The following ABCC12 variants were observed in gnomAD, a reference collection of about 807,000 sequenced individuals.
ABCC12 encodes ATP-binding cassette sub-family C member 12.
In ABCC12, 142 loss-of-function variants were observed where a neutral mutation model predicts 151.1. That is an observed-to-expected ratio of 0.94 (90% confidence interval 0.82 to 1.08). The LOEUF is 1.08. Ranked by LOEUF, ABCC12 falls within the 50% of genes least tolerant of loss-of-function variation. ABCC12 has a pLI of 0.00. For synonymous variants in ABCC12, 645 were observed against 646.4 expected (o/e 1.00, Z 0.03); for missense variants, 1,638 against 1,691.1 (o/e 0.97, Z 0.55).
At chr16:48,088,881 A>C in intron 25 of ABCC12, 147 bp from the exon 26 acceptor site, 3 of 685,162 alleles carry the variant, frequency 4.4e-6, no homozygotes, top group Non-Finnish European at 4.6e-6. Flanking sequence ...CTAGAAACTC[A>C]CATTCCAGTG....
At position 48,121,850 on chromosome 16, in the gene ABCC12, C is replaced by G. The variant is rs200744085; in HGVS notation, c.1588-10G>C. 2.5e-6 allele frequency: 4 copies of G among 1,614,066 alleles called. No individual in the cohort carries two copies. In the East Asian group the frequency reaches 8.9e-5, roughly 36 times the overall value. On this transcript the variant is annotated splice_polypyrimidine_tract_variant and intron_variant, in intron 12 of 30. Transcript: ENST00000311303. ...CTTTCTGCAGCTGCATCTGGAACAA[C>G]AAGACGGGAGAAGCTTCAGGAGCCA... is the stretch of plus-strand genomic sequence containing the variant.
At chr16:48,140,395 T>C (rs1256965905) in intron 6 of ABCC12, among the ~76,000 whole-genome samples, 2 of 152,148 alleles carry the variant, frequency 1.3e-5, no homozygotes, top group Non-Finnish European at 2.9e-5. Flanking sequence ...TCAGTACTCC[T>C]CCACAGTCCC....
chr16:48,140,544 A>G, intron 6 of ABCC12, 143 bp downstream of exon 6: 2 of 786,468 alleles, frequency 2.5e-6, no homozygotes, highest in East Asian at 2.5e-5. Context: ...CCACCACCTC[A>G]CTTAGCCAGG....
chr16:48,119,608 C>T (rs1047028829), intron 13 of ABCC12, among the ~76,000 whole-genome samples: 1 of 152,190 alleles, frequency 6.6e-6, no homozygotes, highest in Non-Finnish European at 1.5e-5. Context: ...ACGGCATGGC[C>T]GGGGAAGAGG....
intron 24 of ABCC12, among the ~76,000 whole-genome samples, chr16:48,096,433 T>C (rs1963096532): frequency 6.6e-6 from 1 of 152,194 alleles, no homozygotes; most frequent in Admixed American, 6.5e-5. Flanking sequence ...ACAGTAAAGC[T>C]CCAGGCTTCT....
chr16:48,107,938 G>T (rs957028816), intron 19 of ABCC12, among the ~76,000 whole-genome samples: 2 of 151,986 alleles, frequency 1.3e-5, no homozygotes, highest in Non-Finnish European at 2.9e-5. Context: ...GGAGGCAGAG[G>T]TTGGAGGTTG....
At chr16:48,126,343 G>A (rs974988779) in intron 11 of ABCC12, among the ~76,000 whole-genome samples, 1 of 152,124 alleles carries the variant, frequency 6.6e-6, no homozygotes, top group South Asian at 2.1e-4. Context: ...ATCCTCTGAT[G>A]ATTCTCCCAA....
At position 48,083,886 on chromosome 16, in the gene ABCC12, G is replaced by A. The variant is rs753807498; in HGVS notation, c.3993+23C>T. ...AAACCACTGGACTTTCTGGGGAGGT[G>A]AAGCCAAAAGAGCTTCCTATACCTT... On this transcript the variant is annotated intron_variant, in intron 30 of 30. Transcript: ENST00000311303. 4 of 1,612,484 alleles carry A rather than the reference G, an allele frequency of 2.5e-6. No homozygotes were observed. The South Asian group carries it at 4.4e-5, about 18-fold the overall frequency.
Position 48,140,919 on chromosome 16 carries a change from G to GT in ABCC12, c.424dup (p.Thr142AsnfsTer12), listed in dbSNP as rs774519501. On this transcript the variant is annotated frameshift_variant and splice_region_variant, in exon 6 of 31. Transcript: ENST00000311303. LOFTEE classifies it high-confidence loss of function. Reference sequence around the variant, plus strand: ...CTGGAGGATTTGGTGAATGAGAACTGTCTGTAAAACAGCATGGTGGGGAGA... The same window carrying GT: ...CTGGAGGATTTGGTGAATGAGAACTGTTCTGTAAAACAGCATGGTGGGGAGA... 2.5e-6 allele frequency: 4 copies of GT among 1,613,366 alleles called. No individual in the cohort carries two copies. The Admixed American group carries it at 6.7e-5, about 27-fold the overall frequency.
chr16:48,139,494 G>T lies in ABCC12; in HGVS notation c.658-158C>A, dbSNP rs779438961. 1.3e-4 allele frequency among the ~76,000 whole-genome samples: 20 copies of T among 152,174 alleles called. 1 individual carries two copies. The highest frequency in any genetic ancestry group is 1.2e-4 in the Non-Finnish European group (8 of 68,032). On this transcript the variant is annotated intron_variant, in intron 6 of 30. Transcript: ENST00000311303. ...CGGGGACCAATATGATGAGTTTTAT[G>T]GGTTCTGGTACGACTTTGGAGAGGC...
At position 48,147,902 on chromosome 16, in the gene ABCC12, G is replaced by A. The variant is rs1002824340; in HGVS notation, c.-50-1428C>T. On this transcript the variant is annotated intron_variant, in intron 2 of 30. Transcript: ENST00000311303. ...CCCACATGTTTTAGAGCTAGTAGTT[G>A]ATGAAAAGCTCTTTAATCATTGTTA... 3.3e-5 allele frequency among the ~76,000 whole-genome samples: 5 copies of A among 152,224 alleles called. No homozygotes were observed. The South Asian group carries it at 1.0e-3, about 31-fold the overall frequency.
At chr16:48,151,392 A>G (rs762641628) in intron 2 of ABCC12, among the ~76,000 whole-genome samples, 3 of 152,190 alleles carry the variant, frequency 2.0e-5, no homozygotes, top group Non-Finnish European at 2.9e-5. Flanking sequence ...GCCAAGGGGC[A>G]CCTAAGGAGA....
At chr16:48,087,254 G>A (rs185792199) in intron 27 of ABCC12, 14 of 167,634 alleles carry the variant, frequency 8.4e-5, no homozygotes, top group Non-Finnish European at 1.6e-4. Flanking sequence ...CAGCTCAGAC[G>A]CAGAATGTAA....
chr16:48,146,412 C>T lies in ABCC12; in HGVS notation c.13G>A (p.Gly5Arg). Residue 5 changes from glycine to arginine, a missense_variant, in exon 3 of 31, where the codon GGA becomes AGA. Gly to Arg is a moderately radical substitution (Grantham distance 125). Coordinates refer to ENST00000311303, the MANE Select transcript of ABCC12 (RefSeq NM_001393797.1). ...TCCAGATCTGAGATAAGGTAGGGTC[C>T]TTCACCCACCATCCTGATGGCAGCC... MVGE[G>R]PYLISDLDQR... 1 of 1,614,158 alleles carries T rather than the reference C, an allele frequency of 6.2e-7. No homozygotes were observed.
Position 48,133,752 on chromosome 16 carries a change from T to C in ABCC12, c.1063A>G (p.Thr355Ala). The C allele has an allele frequency of 6.2e-7, 1 of 1,614,094 alleles. No individual in the cohort carries two copies. The highest frequency in any genetic ancestry group is 1.1e-5 in the South Asian group (1 of 91,076). Reference sequence around the variant, plus strand: ...GATAATGTCAGCACGATGGCTATGGTGGACACGATGGGGGCCAGGGCAGAG... The same window carrying C: ...GATAATGTCAGCACGATGGCTATGGCGGACACGATGGGGGCCAGGGCAGAG... ...GNSALAPIVS[T>A]IAIVLTLSCH... is the part of the protein sequence containing the mutation. The change falls in exon 9 of 31, where the codon ACC becomes GCC. Residue 355 changes from threonine to alanine, a missense_variant. Thr to Ala is a moderately conservative substitution (Grantham distance 58). Transcript: ENST00000311303.
At chr16:48,119,398 G>A (rs913503536) in intron 13 of ABCC12, among the ~76,000 whole-genome samples, 3 of 152,224 alleles carry the variant, frequency 2.0e-5, no homozygotes, top group Non-Finnish European at 2.9e-5. Flanking sequence ...CATGCTGCAG[G>A]CATTTGGCAC....
At chr16:48,141,454 C>T in intron 4 of ABCC12, 101 bp from the exon 5 acceptor site, 1 of 1,481,580 alleles carries the variant, frequency 6.7e-7, no homozygotes, top group Non-Finnish European at 9.2e-7. Context: ...CGGCAGAGCC[C>T]CCCTCCCTGG....
At chr16:48,115,687 C>T in intron 14 of ABCC12, 69 bp from the exon 15 acceptor site, 1 of 1,472,050 alleles carries the variant, frequency 6.8e-7, no homozygotes, top group East Asian at 2.4e-5. Flanking sequence ...TGGAAGCTTC[C>T]TGGAGCTTCT....
At position 48,102,558 on chromosome 16, in the gene ABCC12, C is replaced by A. The variant is rs76490753; in HGVS notation, c.2901-1549G>T. Among the ~76,000 whole-genome samples, 557 of 152,264 alleles carry A rather than the reference C, an allele frequency of 3.7e-3. 5 individuals are homozygous for A. In the East Asian group the frequency reaches 0.041, roughly 11 times the overall value. On this transcript the variant is annotated intron_variant, in intron 22 of 30. Transcript: ENST00000311303. ...TAACAATTTCGCTTCCTCAGGGTCACCACGGGAACAGTGAAAGACAGCAGC... is the reference window on the plus strand; with the variant it reads ...TAACAATTTCGCTTCCTCAGGGTCAACACGGGAACAGTGAAAGACAGCAGC...
Sources: allele counts gnomAD v4.1 joint callset (sites outside exome capture counted in the v4.1 genomes callset), GRCh38; gene constraint gnomAD v4.1.1; transcripts MANE v1.5; gene names NCBI Gene and HGNC (gene_info 2026-07-23, HGNC 2026-07-21).